CATSPERE: variants seen among roughly 807,000 people sequenced by gnomAD.
CATSPERE encodes catsper channel auxiliary subunit epsilon, also known as cation channel sperm-associated auxiliary subunit epsilon.
In CATSPERE, 93 loss-of-function variants were observed where a neutral mutation model predicts 114.1. That is an observed-to-expected ratio of 0.81 (90% CI 0.69 to 0.97). The LOEUF is 0.97. Ranked by LOEUF, CATSPERE falls within the 50% of genes least tolerant of loss-of-function variation. The pLI, the probability that CATSPERE is intolerant of heterozygous loss-of-function variation, is 0.00. For synonymous variants in CATSPERE, 341 were observed against 384.1 expected (o/e 0.89, Z 1.31); for missense variants, 1,058 against 1,131.6 (o/e 0.93, Z 0.93).
chr1:244,505,955 G>A (rs1190055966), intron 7 of CATSPERE, among the ~76,000 whole-genome samples: 2 of 152,068 alleles, frequency 1.3e-5, no homozygotes, highest in Admixed American at 6.6e-5. Flanking sequence ...GCAGTAAACC[G>A]AGATCACGCC....
At chr1:244,609,141 G>A (rs745972132) in intron 18 of CATSPERE, among the ~76,000 whole-genome samples, 1 of 151,912 alleles carries the variant, frequency 6.6e-6, no homozygotes, top group Non-Finnish European at 1.5e-5. Flanking sequence ...AGCCGAGATT[G>A]TACCACTGCA....
At position 244,461,496 on chromosome 1, in the gene CATSPERE, T is replaced by C; in HGVS notation, c.65+2T>C. ...CTGCTATGGCTCCGCCCTTTGGAGG[T>C]AGAGAGACGCCAGTCGCAGGCGAGC... On this transcript the variant is annotated splice_donor_variant, in intron 1 of 21. Coordinates refer to ENST00000366534, the MANE Select transcript of CATSPERE (RefSeq NM_001130957.2). LOFTEE classifies it high-confidence loss of function. 3.0e-6 allele frequency: 4 copies of C among 1,314,976 alleles called. No individual in the cohort carries two copies. The highest frequency in any genetic ancestry group is 3.9e-6 in the Non-Finnish European group (4 of 1,023,434). 81.5% of individuals were successfully genotyped at this position (1,314,976 alleles called of 1,614,324 possible).
intron 21 of CATSPERE, among the ~76,000 whole-genome samples, chr1:244,638,281 A>G (rs563837077): frequency 2.6e-4 from 40 of 152,326 alleles, no homozygotes; most frequent in African/African-American, 8.7e-4. Flanking sequence ...TTTGGCCTTC[A>G]TGGAGCTAAT....
At chr1:244,542,267 C>G (rs1658947142) in intron 8 of CATSPERE, among the ~76,000 whole-genome samples, 1 of 151,948 alleles carries the variant, frequency 6.6e-6, no homozygotes, top group Non-Finnish European at 1.5e-5. Flanking sequence ...TAGGGAGTAT[C>G]TGGCCTCACA....
At chr1:244,558,929 A>G (rs1287147189) in intron 9 of CATSPERE, among the ~76,000 whole-genome samples, 1 of 152,164 alleles carries the variant, frequency 6.6e-6, no homozygotes, top group Non-Finnish European at 1.5e-5. Context: ...GAGAATCCAG[A>G]GTGTGGATGG....
chr1:244,556,636 G>A (rs1661617766), intron 9 of CATSPERE, among the ~76,000 whole-genome samples: 1 of 152,198 alleles, frequency 6.6e-6, no homozygotes, highest in African/African-American at 2.4e-5. Flanking sequence ...CAATGTCAAG[G>A]TGGTTTATTG....
At chr1:244,572,256 T>C (rs765060931) in intron 10 of CATSPERE, 74 bp from the exon 11 acceptor site, 133 of 764,974 alleles carry the variant, frequency 1.7e-4, no homozygotes, top group Non-Finnish European at 2.7e-4. Flanking sequence ...ATTATTTTGG[T>C]TAAAAGTACA....
chr1:244,623,966 G>A (rs902535527), intron 20 of CATSPERE, among the ~76,000 whole-genome samples: 1 of 151,710 alleles, frequency 6.6e-6, no homozygotes, highest in Admixed American at 6.6e-5. Flanking sequence ...GGCTGTGGCA[G>A]TTTCTTTTTT....
intron 8 of CATSPERE, among the ~76,000 whole-genome samples, chr1:244,539,890 G>T (rs1015770296): frequency 6.7e-6 from 1 of 150,000 alleles, no homozygotes; most frequent in Non-Finnish European, 1.5e-5. Flanking sequence ...CTTGCTAGTG[G>T]TCTATCAATT....
intron 17 of CATSPERE, among the ~76,000 whole-genome samples, chr1:244,601,395 C>A (rs1669197520): frequency 6.6e-6 from 1 of 152,062 alleles, no homozygotes; most frequent in South Asian, 2.1e-4. Context: ...GAAAACTTTT[C>A]AGAATTTAAG....
chr1:244,620,617 T>C lies in CATSPERE; in HGVS notation c.2648+2931T>C, dbSNP rs114594751. On this transcript the variant is annotated intron_variant, in intron 20 of 21. Transcript: ENST00000366534. ...AATTCAGGCTAGAAACTAAAAAATA[T>C]AAATAGCATTCTATTTCTTACAATA... is the stretch of plus-strand genomic sequence containing the variant. 8.7e-3 allele frequency among the ~76,000 whole-genome samples: 1,332 copies of C among 152,272 alleles called. 22 individuals carry two copies. Among genetic ancestry groups the C allele is most frequent in the African/African-American group, 0.03 (1,266 of 41,546 alleles).
intron 8 of CATSPERE, among the ~76,000 whole-genome samples, chr1:244,528,785 CCACA>C (rs56746061): frequency 0.011 from 1,411 of 130,522 alleles, 14 homozygotes; most frequent in Non-Finnish European, 0.015. Flanking sequence ...CAATCCCCCA[CCACA>C]CACACACACA....
intron 11 of CATSPERE, among the ~76,000 whole-genome samples, chr1:244,580,624 A>G (rs1666023711): frequency 6.6e-6 from 1 of 152,170 alleles, no homozygotes; most frequent in Non-Finnish European, 1.5e-5. Flanking sequence ...CATCAGAAGT[A>G]CCCAAAGCCC....
At chr1:244,511,035 G>T (rs1675669698) in intron 7 of CATSPERE, among the ~76,000 whole-genome samples, 2 of 151,564 alleles carry the variant, frequency 1.3e-5, no homozygotes, top group Admixed American at 6.6e-5. Context: ...TAGAGACAGG[G>T]TTTCACCATG....
At position 244,484,192 on chromosome 1, in the gene CATSPERE, A is replaced by G. The variant is rs151020712; in HGVS notation, c.326+4408A>G. On this transcript the variant is annotated intron_variant, in intron 5 of 21. Transcript: ENST00000366534. ...ACAAAACTACATTATCCTTATCACTATAACTGTATTTTTTAAATCTTAACA... is the reference window on the plus strand; with the variant it reads ...ACAAAACTACATTATCCTTATCACTGTAACTGTATTTTTTAAATCTTAACA... Among the ~76,000 whole-genome samples the G allele has an allele frequency of 9.2e-5, 14 of 152,284 alleles. No individual in the cohort carries two copies. In the Middle Eastern group the frequency reaches 0.014, roughly 148 times the overall value.
intron 7 of CATSPERE, among the ~76,000 whole-genome samples, chr1:244,508,704 A>G (rs568268460): frequency 2.0e-5 from 3 of 151,516 alleles, no homozygotes; most frequent in Admixed American, 2.0e-4. Flanking sequence ...TTTTCTATAT[A>G]TAAGATTGTG....
chr1:244,552,000 C>T (rs1660714232), intron 8 of CATSPERE, among the ~76,000 whole-genome samples: 1 of 146,674 alleles, frequency 6.8e-6, no homozygotes, highest in Non-Finnish European at 1.5e-5. Flanking sequence ...AGAGGCAGAG[C>T]TCGCAGCGAG....
chr1:244,614,701 T>C (rs1671155485), intron 19 of CATSPERE, among the ~76,000 whole-genome samples: 1 of 152,306 alleles, frequency 6.6e-6, no homozygotes, highest in Non-Finnish European at 1.5e-5. Context: ...CAAGTGGGCC[T>C]TCTGCTCCAT....
rs1404409427 is a variant in CATSPERE at position 244,593,441 on chromosome 1, TA to T, written c.2223+17del. 1 of 1,613,656 alleles carries T rather than the reference TA, an allele frequency of 6.2e-7. No individual in the cohort carries two copies. Among genetic ancestry groups the T allele is most frequent in the South Asian group, 1.1e-5 (1 of 91,050 alleles). On this transcript the variant is annotated intron_variant, in intron 16 of 21. Transcript: ENST00000366534. ...ATCGAAAAACTTGGTAAGAAAATGA[TA>T]AAATTCTGTCAATGGACCAAATATA...
Sources: allele counts gnomAD v4.1 joint callset (sites outside exome capture counted in the v4.1 genomes callset), GRCh38; gene constraint gnomAD v4.1.1; transcripts MANE v1.5; gene names NCBI Gene and HGNC (gene_info 2026-07-23, HGNC 2026-07-21).